SLC30A3: variants seen among roughly 807,000 people sequenced by gnomAD.
The protein encoded by SLC30A3 is probable proton-coupled zinc antiporter SLC30A3.
A neutral mutation model predicts 35.6 loss-of-function variants in SLC30A3; 20 were observed. That is an observed-to-expected ratio of 0.56 (90% confidence interval 0.39 to 0.82). The LOEUF is 0.82. SLC30A3 is among the 40% of genes least tolerant of loss of function. The pLI, the probability that SLC30A3 is intolerant of heterozygous loss-of-function variation, is 0.00. For synonymous variants in SLC30A3, 217 were observed against 224.7 expected (o/e 0.97, Z 0.31); for missense variants, 401 against 530.6 (o/e 0.76, Z 2.40).
In SLC30A3 at chr2:27,256,797, G is replaced by A. The variant is rs1416196903; in HGVS notation, c.874C>T (p.Leu292Phe). 13 of 1,601,876 alleles carry A rather than the reference G, an allele frequency of 8.1e-6. No homozygotes were observed. The highest frequency in any genetic ancestry group is 2.7e-5 in the African/African-American group (2 of 73,884). The change falls in exon 6 of 8, where the codon CTC (leucine) becomes TTC (phenylalanine). Residue 292 changes from leucine to phenylalanine, a missense_variant. Around this residue, in one of 3 missense-constraint regions of SLC30A3, gnomAD observed 296 missense variants for 392.6 expected, o/e 0.75. Coordinates refer to ENST00000233535, the MANE Select transcript of SLC30A3 (RefSeq NM_003459.5). ...GTGGTGCCCGACTCACCTTCCATGA[G>A]GATTCGAAGAACGTCTCGGAGGGTG... The part of the protein sequence containing the change: ...APTLRDVLRI[L>F]MEGTPRNVGF...
In SLC30A3 at chr2:27,257,207, C is replaced by A; in HGVS notation, c.724G>T (p.Asp242Tyr). ...AGTACCCCAAAGCTCTGCAGGAGGT[C>A]CCCCAGCACGTGCACAAATGCCGCC... is the stretch of plus-strand genomic sequence containing the variant. Reference protein sequence around the residue: ...VRAAFVHVLGDLLQSFGVLAA... With the variant: ...VRAAFVHVLGYLLQSFGVLAA... Residue 242 changes from aspartate (D) to tyrosine (Y), a missense_variant, in exon 5 of 8, where the codon GAC becomes TAC. Asp to Tyr is a radical substitution (Grantham distance 160, BLOSUM62 -3). Coordinates refer to ENST00000233535, the MANE Select transcript of SLC30A3 (RefSeq NM_003459.5). This position sits in a 1 kb window ranked among gnomAD's most constrained non-coding sequence, Gnocchi z 4.7. The A allele has an allele frequency of 6.2e-7, 1 of 1,614,024 alleles. No individual in the cohort carries two copies. The highest frequency in any genetic ancestry group is 8.5e-7 in the Non-Finnish European group (1 of 1,179,986).
At chr2:27,263,247 A>G, upstream of SLC30A3, 1 of 524,654 alleles carries the variant, frequency 1.9e-6, no homozygotes, top group Non-Finnish European at 3.3e-6. Flanking sequence ...CCTCATCTCC[A>G]CAGCCCCGTC....
upstream of SLC30A3, among the ~76,000 whole-genome samples, chr2:27,266,608 T>A (rs2148146148): frequency 6.6e-6 from 1 of 152,282 alleles, no homozygotes; most frequent in East Asian, 1.9e-4. Context: ...TAAAAAGGAT[T>A]AAAAATAGCC....
upstream of SLC30A3, among the ~76,000 whole-genome samples, chr2:27,267,593 C>G (rs577402913): frequency 2.2e-4 from 34 of 152,192 alleles, no homozygotes; most frequent in South Asian, 6.8e-3. Context: ...TGCTTCAGGT[C>G]TTGACTCAAA....
Position 27,255,367 on chromosome 2 carries a change from T to G in SLC30A3, c.1112A>C (p.Gln371Pro), listed in dbSNP as rs754774011. The G allele has an allele frequency of 6.2e-7, 1 of 1,614,206 alleles. No homozygotes were observed. The highest frequency in any genetic ancestry group is 1.7e-5 in the Admixed American group (1 of 60,028). ...GCACTGGGCCATCTCCGGCTGATAC[T>G]GCTCGACCTGCAGGGTGCAGCTGGA... Reference protein sequence around the residue: ...GFSSCTLQVEQYQPEMAQCLR... With the variant: ...GFSSCTLQVEPYQPEMAQCLR... The change falls in exon 8 of 8, where the codon CAG becomes CCG. Residue 371 changes from glutamine to proline, a missense_variant. Around this residue, in one of 3 missense-constraint regions of SLC30A3, gnomAD observed 296 missense variants for 392.6 expected, o/e 0.75. Coordinates refer to ENST00000233535, the MANE Select transcript of SLC30A3 (RefSeq NM_003459.5). The surrounding 1 kb of genome is among the most constrained non-coding windows in gnomAD (Gnocchi z 5.2).
intron 1 of SLC30A3, among the ~76,000 whole-genome samples, chr2:27,259,239 A>T (rs1201147971): frequency 2.6e-5 from 4 of 152,178 alleles, no homozygotes; most frequent in Non-Finnish European, 5.9e-5. Flanking sequence ...TCACACCTGT[A>T]ATCCCAGCAC....
chr2:27,264,604 G>C (rs55966839), upstream of SLC30A3, among the ~76,000 whole-genome samples: 1 of 152,168 alleles, frequency 6.6e-6, no homozygotes, highest in Non-Finnish European at 1.5e-5. The surrounding 1 kb of genome is among the most constrained non-coding windows in gnomAD (Gnocchi z 6.1). Context: ...CGCCCTCCGC[G>C]CCGTCCCCAC....
rs919048551 is a variant in SLC30A3, at chr2:27,262,446, T to C, written c.95+366A>G. Among the ~76,000 whole-genome samples the C allele has an allele frequency of 6.6e-6, 1 of 151,760 alleles. No individual in the cohort carries two copies. Among genetic ancestry groups the C allele is most frequent in the Non-Finnish European group, 1.5e-5 (1 of 67,902 alleles). On this transcript the variant is annotated intron_variant, in intron 1 of 7. Coordinates refer to ENST00000233535, the MANE Select transcript of SLC30A3 (RefSeq NM_003459.5). The surrounding 1 kb of genome is among the most constrained non-coding windows in gnomAD (Gnocchi z 7.5). ...CCTGGGCAGCGAGGCGCTCCCGCCC[T>C]GGGCCCGGGGCAATGCGGACCTTGG...
chr2:27,258,655 T>A lies in SLC30A3; in HGVS notation c.277+98A>T. 7.5e-7 allele frequency: 1 copy of A among 1,337,842 alleles called. No individual in the cohort carries two copies. Among genetic ancestry groups the A allele is most frequent in the Non-Finnish European group, 1.1e-6 (1 of 948,290 alleles). The allele number at this position is 1,337,842 out of a possible 1,614,324, so 82.9% of individuals were successfully genotyped here. On this transcript the variant is annotated intron_variant, in intron 2 of 7. Transcript: ENST00000233535. The surrounding 1 kb of genome is among the most constrained non-coding windows in gnomAD (Gnocchi z 4.0). ...CTCCCCTATCCCAGCCATCCCCATC[T>A]CTGCATCTGCACCCAGGAACATTCC...
intron 1 of SLC30A3, among the ~76,000 whole-genome samples, chr2:27,268,411 GA>G (rs1677585838): frequency 6.6e-6 from 1 of 152,218 alleles, no homozygotes; most frequent in Non-Finnish European, 1.5e-5. Context: ...GTACAGAGGT[GA>G]AGAAAAACAG....
intron 1 of SLC30A3, among the ~76,000 whole-genome samples, chr2:27,274,224 C>T (rs536264522): frequency 6.6e-6 from 1 of 152,272 alleles, no homozygotes; most frequent in South Asian, 2.1e-4. Flanking sequence ...ACTTGGAAGG[C>T]TGAAGCAGGA....
chr2:27,273,865 T>G (rs1404049308), intron 1 of SLC30A3, among the ~76,000 whole-genome samples: 1 of 151,312 alleles, frequency 6.6e-6, no homozygotes, highest in Non-Finnish European at 1.5e-5. Context: ...GCTAGTTCTG[T>G]CCTCCCATGA....
upstream of SLC30A3, chr2:27,264,145 G>A (rs1205175116): frequency 9.5e-7 from 1 of 1,050,212 alleles, no homozygotes; most frequent in Non-Finnish European, 1.3e-6. The surrounding 1 kb of genome is among the most constrained non-coding windows in gnomAD (Gnocchi z 6.1). Flanking sequence ...TCTGTGAAGA[G>A]GAGGGTCCGT....
chr2:27,271,382 T>C lies in SLC30A3; in HGVS notation c.-159+3795A>G, dbSNP rs1677720138. 6.6e-6 allele frequency among the ~76,000 whole-genome samples: 1 copy of C among 152,272 alleles called. No homozygotes were observed. The stretch of plus-strand genomic sequence containing the variant: ...GAGTGGTAGTAAACAAAAAGATCAC[T>C]GACTCAAGGTATGATGGGAGGGCAA... On this transcript the variant is annotated intron_variant, in intron 1 of 5. Transcript: ENST00000424577. The surrounding 1 kb of genome is among the most constrained non-coding windows in gnomAD (Gnocchi z 4.3).
At position 27,255,372 on chromosome 2, in the gene SLC30A3, G is replaced by C; in HGVS notation, c.1107C>G (p.Val369=). The C allele has an allele frequency of 6.2e-7, 1 of 1,614,170 alleles. No homozygotes were observed. Among genetic ancestry groups the C allele is most frequent in the Non-Finnish European group, 8.5e-7 (1 of 1,180,034 alleles). The change falls in exon 8 of 8, where the codon GTC becomes GTG. Residue 369 remains valine, a synonymous_variant. Coordinates refer to ENST00000233535, the MANE Select transcript of SLC30A3 (RefSeq NM_003459.5). The surrounding 1 kb of genome is among the most constrained non-coding windows in gnomAD (Gnocchi z 5.2). ...RFGFSSCTLQ[V]EQYQPEMAQC... ...GGGCCATCTCCGGCTGATACTGCTC[G>C]ACCTGCAGGGTGCAGCTGGAGAATC...
rs1017710461 is a variant in SLC30A3 at position 27,254,689 on chromosome 2, G to A, written c.*623C>T. On this transcript the variant is annotated 3_prime_UTR_variant, in exon 8 of 8. Transcript: ENST00000233535. ...AGATAGACCCCCAAACAGACACATG[G>A]ATGGAGCAGACTCATAGAAACCATA... The A allele has an allele frequency of 1.2e-5, 2 of 167,738 alleles. No homozygotes were observed. The highest frequency in any genetic ancestry group is 2.4e-5 in the African/African-American group (1 of 41,424). 10.4% of individuals were successfully genotyped at this position (167,738 alleles called of 1,614,324 possible).
At chr2:27,256,952 G>C in intron 5 of SLC30A3, 59 bp from the exon 6 acceptor site, 1 of 1,316,162 alleles carries the variant, frequency 7.6e-7, no homozygotes, top group Non-Finnish European at 1.1e-6. Context: ...GAAGATCTAG[G>C]GGTATCTTGA....
chr2:27,256,835 C>T lies in SLC30A3; in HGVS notation c.836G>A (p.Gly279Glu). Residue 279 changes from glycine (G) to glutamate (E), a missense_variant, in exon 6 of 8, where the codon GGA becomes GAA. By Grantham distance (98) the Gly-to-Glu change is moderately conservative (BLOSUM62 -2). Coordinates refer to ENST00000233535, the MANE Select transcript of SLC30A3 (RefSeq NM_003459.5). ...GTCTCGGAGGGTGGGAGCGGTGGAT[C>T]CAAGGGCACAGATGGAGAAGAGGAA... ...STFLFSICAL[G>E]STAPTLRDVL... 3.1e-6 allele frequency: 5 copies of T among 1,605,652 alleles called. No individual in the cohort carries two copies. The highest frequency in any genetic ancestry group is 3.4e-6 in the Non-Finnish European group (4 of 1,178,118).
chr2:27,262,778 C>T lies in SLC30A3; in HGVS notation c.95+34G>A, dbSNP rs750717542. 1.3e-6 allele frequency: 2 copies of T among 1,496,280 alleles called. No homozygotes were observed. The highest frequency in any genetic ancestry group is 5.7e-5 in the East Asian group (2 of 35,064). The allele number at this position is 1,496,280 out of a possible 1,614,324, so 92.7% of individuals were successfully genotyped here. A position where few individuals can be genotyped will look rare whatever the true frequency, so the allele number is the denominator to read the frequency against. ...TGGACGGAGGGTAGTAGGGTGGCGC[C>T]CCCGGGCCGAGGGCCAGCCCAGGTC... On this transcript the variant is annotated intron_variant, in intron 1 of 7. Transcript: ENST00000233535. This position sits in a 1 kb window ranked among gnomAD's most constrained non-coding sequence, Gnocchi z 7.5.
Sources: allele counts gnomAD v4.1 joint callset (sites outside exome capture counted in the v4.1 genomes callset), GRCh38; gene constraint gnomAD v4.1.1; regional missense constraint gnomAD v4.1.1; non-coding constraint Gnocchi (gnomAD v3.1); transcripts MANE v1.5; gene names NCBI Gene and HGNC (gene_info 2026-07-23, HGNC 2026-07-21).